The following ATAD3B variants were observed in gnomAD, a reference collection of about 807,000 sequenced individuals.
ATAD3B encodes the protein ATPase family AAA domain containing 3B.
ATAD3B carries 59 observed loss-of-function variants against 70.2 expected under a neutral mutation model. That is an observed-to-expected ratio of 0.84 (90% CI 0.68 to 1.04). The LOEUF is 1.04. Among genes scored for constraint, ATAD3B ranks in the 50% least tolerant of loss-of-function variants. The probability of loss-of-function intolerance (pLI) is 0.00; values close to 1 mark genes in which losing one functional copy is unlikely to be tolerated. For missense variants in ATAD3B, 961 were observed against 913.4 expected, an observed-to-expected ratio of 1.05 and a Z score of -0.67; for synonymous variants, 423 against 388.6, an observed-to-expected ratio of 1.09 and a Z score of -1.04.
intron 12 of ATAD3B, among the ~76,000 whole-genome samples, chr1:1,488,419 A>C (rs1247408467): frequency 6.6e-6 from 1 of 151,948 alleles, no homozygotes; most frequent in Non-Finnish European, 1.5e-5. Context: ...GTAGAGATGG[A>C]GTTTCCCACA....
rs1234571881 is a variant in ATAD3B, at chr1:1,480,183, AC to A, written c.445-679del. Among the ~76,000 whole-genome samples the A allele has an allele frequency of 4.1e-5, 4 of 97,178 alleles. No individual in the cohort carries two copies. The Admixed American group carries it at 4.2e-4, about 10-fold the overall frequency. The allele number at this position is 97,178 out of a possible 152,430, so 63.8% of individuals were successfully genotyped here. On this transcript the variant is annotated intron_variant, in intron 4 of 15. Transcript: ENST00000673477. ...GGCACGCACCTGCACACGAGGGCAC[AC>A]CCCCACCCCCCACCCCCACACACCC...
At chr1:1,484,902 G>C in intron 7 of ATAD3B, 114 bp from the exon 8 acceptor site, 1 of 1,455,730 alleles carries the variant, frequency 6.9e-7, no homozygotes, top group Non-Finnish European at 9.1e-7. Flanking sequence ...GCCAGCACAC[G>C]GCCCTGTGCT....
At chr1:1,490,801 G>A (rs1237725482) in intron 15 of ATAD3B, 130 bp downstream of exon 15, 12 of 1,476,532 alleles carry the variant, frequency 8.1e-6, no homozygotes, top group African/African-American at 4.2e-5. Context: ...GTGCACAGAC[G>A]TGACACAGGG....
intron 11 of ATAD3B, among the ~76,000 whole-genome samples, chr1:1,487,483 G>A (rs1211588027): frequency 6.9e-6 from 1 of 144,872 alleles, no homozygotes; most frequent in Non-Finnish European, 1.5e-5. Context: ...GCGAGACTCT[G>A]TCTCAAAAAA....
rs371064871 is a variant in ATAD3B, at chr1:1,486,365, G to T, written c.1089+130G>T. 3.8e-6 allele frequency: 6 copies of T among 1,581,830 alleles called. No individual in the cohort carries two copies. In the East Asian group the frequency reaches 1.4e-4, roughly 36 times the overall value. On this transcript the variant is annotated intron_variant, in intron 10 of 15. Transcript: ENST00000673477. ...CTTTGCCTACCCTCGTGTAGGCTCA[G>T]GGTGCTGGTGTGGGCAGCAGCGCCT...
At chr1:1,488,022 T>G (rs1330337491) in intron 12 of ATAD3B, 108 bp downstream of exon 12, 1 of 1,476,242 alleles carries the variant, frequency 6.8e-7, no homozygotes, top group Non-Finnish European at 9.4e-7. Flanking sequence ...TGGCGCAATC[T>G]TGGCTCGCTG....
At chr1:1,501,317 C>T (rs1332999143), downstream of ATAD3B, among the ~76,000 whole-genome samples, 10 of 151,148 alleles carry the variant, frequency 6.6e-5, no homozygotes, top group African/African-American at 1.7e-4. Context: ...TGCAATGGCA[C>T]GATCTCGGCT....
chr1:1,488,351 G>A (rs575382993), intron 12 of ATAD3B, among the ~76,000 whole-genome samples: 5 of 151,896 alleles, frequency 3.3e-5, no homozygotes, highest in African/African-American at 1.2e-4. Context: ...TCAGCCTCCC[G>A]AGAAGCTGGG....
chr1:1,484,926 G>T lies in ATAD3B; in HGVS notation c.751-90G>T. 4 of 1,495,836 alleles carry T rather than the reference G, an allele frequency of 2.7e-6. No homozygotes were observed. In the South Asian group the frequency reaches 5.2e-5, roughly 20 times the overall value. 92.7% of individuals were successfully genotyped at this position (1,495,836 alleles called of 1,614,324 possible). On this transcript the variant is annotated intron_variant, in intron 7 of 15. Transcript: ENST00000673477. ...CGGCCCTGTGCTTCTCCCTCAGGCG[G>T]AGAGAGGGTGGGGGCAGCCCCGTGC...
At chr1:1,473,233 G>A (rs891669052) in intron 1 of ATAD3B, among the ~76,000 whole-genome samples, 1 of 132,370 alleles carries the variant, frequency 7.6e-6, no homozygotes, top group Non-Finnish European at 1.5e-5. Flanking sequence ...TCCGCCTCCC[G>A]TGTTCACACC....
rs749866378 is a variant in ATAD3B, at chr1:1,473,922, C to T, written c.205+1833C>T. On this transcript the variant is annotated intron_variant, in intron 1 of 15. Coordinates refer to ENST00000673477, the MANE Select transcript of ATAD3B (RefSeq NM_031921.6). ...TGTGGTTCCATCCTGTGCCCTTCCC[C>T]GGGGTGCTGGGGAACATCCTGAGCT... Among the ~76,000 whole-genome samples, 12 of 152,138 alleles carry T rather than the reference C, an allele frequency of 7.9e-5. 1 individual carries two copies. Among genetic ancestry groups the T allele is most frequent in the South Asian group, 4.2e-4 (2 of 4,808 alleles).
downstream of ATAD3B, among the ~76,000 whole-genome samples, chr1:1,498,938 A>G (rs922952272): frequency 4.0e-5 from 6 of 150,424 alleles, no homozygotes; most frequent in East Asian, 1.9e-4. Context: ...TATTCCTGAC[A>G]CAGGTAGCCC....
chr1:1,491,308 G>C, intron 15 of ATAD3B, among the ~76,000 whole-genome samples: 1 of 152,082 alleles, frequency 6.6e-6, no homozygotes, highest in Middle Eastern at 3.4e-3. Flanking sequence ...GGCTGAGGCA[G>C]GCATATCACG....
downstream of ATAD3B, among the ~76,000 whole-genome samples, chr1:1,501,205 C>G (rs369410773): frequency 5.1e-4 from 77 of 152,098 alleles, no homozygotes; most frequent in African/African-American, 1.8e-3. Flanking sequence ...TCTCCTGCCT[C>G]AGCGTCCTGA....
rs771662027 is a variant in ATAD3B, at chr1:1,489,153, G to C, written c.1267-51G>C. The C allele has an allele frequency of 6.8e-6, 11 of 1,611,476 alleles. No individual in the cohort carries two copies. The Admixed American group carries it at 1.7e-4, about 24-fold the overall frequency. On this transcript the variant is annotated intron_variant, in intron 12 of 15. Transcript: ENST00000673477. ...GCCTGTGGGACTTTCTGCTCTGGCTGTTTACAAGGCTTTGCTTCTGGTGCC... is the reference window on the plus strand; with the variant it reads ...GCCTGTGGGACTTTCTGCTCTGGCTCTTTACAAGGCTTTGCTTCTGGTGCC...
chr1:1,485,789 G>C lies in ATAD3B; in HGVS notation c.914G>C (p.Arg305Pro), dbSNP rs138300243. The C allele has an allele frequency of 1.2e-6, 2 of 1,612,972 alleles. No homozygotes were observed. Among genetic ancestry groups the C allele is most frequent in the South Asian group, 1.1e-5 (1 of 90,964 alleles). ...EALRHPIQVS[R>P]RLLSRPQDVL... is the part of the protein sequence containing the mutation. ...CCCCTTCCCCTCCGGCAGGTCAGCC[G>C]GCGGCTCCTCAGTCGACCCCAGGAC... The change falls in exon 9 of 16, where the codon CGG (arginine) becomes CCG (proline). Residue 305 changes from arginine (R) to proline (P), a missense_variant. Around this residue, in one of 4 missense-constraint regions of ATAD3B, gnomAD observed 349 missense variants for 307.5 expected, o/e 1.14. Coordinates refer to ENST00000673477, the MANE Select transcript of ATAD3B (RefSeq NM_031921.6).
chr1:1,484,294 T>C (rs1340336880), intron 7 of ATAD3B: 1 of 151,900 alleles, frequency 6.6e-6, no homozygotes, highest in Non-Finnish European at 1.5e-5. Flanking sequence ...CATTCTCCTG[T>C]CTCAGCCTCC....
At position 1,495,482 on chromosome 1, in the gene ATAD3B, T is replaced by G; in HGVS notation, c.1615-3T>G. On this transcript the variant is annotated splice_polypyrimidine_tract_variant and splice_region_variant and intron_variant, in intron 15 of 15. Coordinates refer to ENST00000673477, the MANE Select transcript of ATAD3B (RefSeq NM_031921.6). ...CTCCCTCAGCTCCCTCTCTCTTCAC[T>G]AGGCCACGGCATATGCCTCCAAGGA... is the stretch of plus-strand genomic sequence containing the variant. The G allele has an allele frequency of 6.3e-7, 1 of 1,598,128 alleles. No homozygotes were observed. The highest frequency in any genetic ancestry group is 8.6e-7 in the Non-Finnish European group (1 of 1,169,254).
At position 1,486,207 on chromosome 1, in the gene ATAD3B, C is replaced by T; in HGVS notation, c.1061C>T (p.Pro354Leu). 4.3e-6 allele frequency: 7 copies of T among 1,613,082 alleles called. No homozygotes were observed. Among genetic ancestry groups the T allele is most frequent in the Non-Finnish European group, 5.9e-6 (7 of 1,179,650 alleles). Residue 354 changes from proline to leucine, a missense_variant, in exon 10 of 16, where the codon CCA (proline) becomes CTA (leucine). By Grantham distance (98) the Pro-to-Leu change is moderately conservative. Transcript: ENST00000673477. Reference sequence around the variant, plus strand: ...AGGCACATCCTGCTGTATGGGCCACCAGGCACCGGGAAGACGCTGTTTGCC... The same window carrying T: ...AGGCACATCCTGCTGTATGGGCCACTAGGCACCGGGAAGACGCTGTTTGCC... ...LYRHILLYGP[P>L]GTGKTLFAKK... is the part of the protein sequence containing the mutation.
Sources: allele counts gnomAD v4.1 joint callset (sites outside exome capture counted in the v4.1 genomes callset), GRCh38; gene constraint gnomAD v4.1.1; regional missense constraint gnomAD v4.1.1; transcripts MANE v1.5; gene names NCBI Gene and HGNC (gene_info 2026-07-23, HGNC 2026-07-21).